Variants in UGT1A10 observed in about 807,000 individuals in gnomAD.
The protein encoded by UGT1A10 is UDP glucuronosyltransferase family 1 member A10.
Under a neutral mutation model 45.8 loss-of-function variants are expected in UGT1A10, and 49 were observed. The ratio of observed to expected loss-of-function variants is 1.07; its 90% CI spans 0.85 to 1.36. The LOEUF (loss-of-function observed/expected upper bound fraction) is 1.36. UGT1A10 is among the 40% of genes most tolerant of loss of function. The pLI is 0.00. For synonymous variants in UGT1A10, 284 were observed against 249.7 expected (o/e 1.14, Z -1.29); for missense variants, 745 against 668.6 (o/e 1.11, Z -1.26).
In UGT1A10 at chr2:233,769,791, G is replaced by A; in HGVS notation, c.1295+1352G>A. 5 of 1,267,464 alleles carry A rather than the reference G, an allele frequency of 3.9e-6. No individual in the cohort carries two copies. The South Asian group carries it at 8.7e-5, about 22-fold the overall frequency. The allele number at this position is 1,267,464 out of a possible 1,614,324, so 78.5% of individuals were successfully genotyped here. On this transcript the variant is annotated intron_variant, in intron 4 of 4. Transcript: ENST00000344644. The surrounding 1 kb of genome is among the most constrained non-coding windows in gnomAD (Gnocchi z 4.4). ...GATTGCTTGAGCCCAGAAGTTGGAG[G>A]CTGCTATGAGCCGTGATCATGCCAC...
At chr2:233,733,215 C>T (rs1311837703) in intron 1 of UGT1A10, among the ~76,000 whole-genome samples, 2 of 152,150 alleles carry the variant, frequency 1.3e-5, no homozygotes, top group East Asian at 3.8e-4. Flanking sequence ...TGGGCTGAGA[C>T]AATGGGGTTT....
At chr2:233,645,961 C>T (rs1167454580) in intron 1 of UGT1A10, among the ~76,000 whole-genome samples, 4 of 152,250 alleles carry the variant, frequency 2.6e-5, no homozygotes, top group Non-Finnish European at 5.9e-5. Context: ...CAGAGGTTCT[C>T]TGTGAGGGTC....
At chr2:233,688,680 A>T (rs1230576037) in intron 1 of UGT1A10, among the ~76,000 whole-genome samples, 1 of 152,200 alleles carries the variant, frequency 6.6e-6, no homozygotes, top group Admixed American at 6.5e-5. Context: ...TTTTTAAAAA[A>T]TTTAATATTA....
At chr2:233,682,696 G>A (rs201654358) in intron 1 of UGT1A10, 1 of 1,613,814 alleles carries the variant, frequency 6.2e-7, no homozygotes, top group Non-Finnish European at 8.5e-7. Flanking sequence ...TTTGGTTGTT[G>A]CGAACTGACT....
chr2:233,643,162 G>T (rs539427142), intron 1 of UGT1A10, among the ~76,000 whole-genome samples: 6 of 152,238 alleles, frequency 3.9e-5, no homozygotes, highest in Admixed American at 3.9e-4. Context: ...CAGGCCCTGG[G>T]TGGGTCCAGA....
rs142919887 is a variant in UGT1A10, at chr2:233,693,235, C to A, written c.855+55858C>A. The A allele has an allele frequency of 1.4e-4, 230 of 1,614,162 alleles. 1 individual carries two copies. The African/African-American group carries it at 2.3e-3, about 16-fold the overall frequency. ...AATCCAAATACTACACAAGAAAAAT[C>A]TATCCAGTGCCGTATGACCAAGAAG... On this transcript the variant is annotated intron_variant, in intron 1 of 4. Transcript: ENST00000344644.
chr2:233,724,281 C>T (rs1325936815), intron 1 of UGT1A10, among the ~76,000 whole-genome samples: 26 of 111,902 alleles, frequency 2.3e-4, no homozygotes, highest in Non-Finnish European at 2.0e-4. Flanking sequence ...GCTGGCCGGG[C>T]GGGGGGCTGA....
intron 1 of UGT1A10, among the ~76,000 whole-genome samples, chr2:233,649,226 G>T (rs188319234): frequency 3.3e-5 from 5 of 152,250 alleles, no homozygotes; most frequent in African/African-American, 1.2e-4. Flanking sequence ...ATGTGTATAC[G>T]ATTGGTTAAT....
intron 1 of UGT1A10, among the ~76,000 whole-genome samples, chr2:233,757,362 A>G (rs970680016): frequency 6.6e-6 from 1 of 151,228 alleles, no homozygotes; most frequent in Non-Finnish European, 1.5e-5. Context: ...AGACAGTGGT[A>G]GAAACATCCA....
intron 1 of UGT1A10, among the ~76,000 whole-genome samples, chr2:233,704,998 T>C (rs2075816736): frequency 6.6e-6 from 1 of 151,990 alleles, no homozygotes; most frequent in African/African-American, 2.4e-5. Flanking sequence ...TAGCCGGGTA[T>C]GGTGGCAGGC....
At chr2:233,722,804 C>G (rs1575543281) in intron 1 of UGT1A10, among the ~76,000 whole-genome samples, 2 of 147,930 alleles carry the variant, frequency 1.4e-5, no homozygotes, top group Non-Finnish European at 3.0e-5. Context: ...TCATCTCCCT[C>G]TTATTTTTTC....
Position 233,747,854 on chromosome 2 carries a change from G to C in UGT1A10, c.856-19180G>C, listed in dbSNP as rs28900382. 4.1e-4 allele frequency: 669 copies of C among 1,613,508 alleles called. 5 individuals are homozygous for C. The East Asian group carries it at 0.011, about 27-fold the overall frequency. On this transcript the variant is annotated intron_variant, in intron 1 of 4. Coordinates refer to ENST00000344644, the MANE Select transcript of UGT1A10 (RefSeq NM_019075.4). ...CATTCCTGCAAAGGGTCAAGAACAT[G>C]CTCTACCCTCTGGCCCTGTCCTACC...
chr2:233,761,173 T>C (rs771182197), intron 1 of UGT1A10: 2 of 1,614,246 alleles, frequency 1.2e-6, no homozygotes, highest in South Asian at 2.2e-5. Context: ...AGTGGGACTT[T>C]TACATGCGTA....
chr2:233,743,602 G>A (rs1559387317), intron 1 of UGT1A10: 9 of 1,367,156 alleles, frequency 6.6e-6, no homozygotes, highest in African/African-American at 3.0e-5. Flanking sequence ...GGTCCTGGCC[G>A]CCGAAGAACT....
intron 1 of UGT1A10, among the ~76,000 whole-genome samples, chr2:233,689,496 A>G (rs2125542455): frequency 6.6e-6 from 1 of 152,236 alleles, no homozygotes; most frequent in East Asian, 1.9e-4. Context: ...GCAAATCAAT[A>G]CGCAGAGGTT....
chr2:233,637,804 T>A (rs1234845068), intron 1 of UGT1A10, among the ~76,000 whole-genome samples: 1 of 152,166 alleles, frequency 6.6e-6, no homozygotes, highest in Non-Finnish European at 1.5e-5. Flanking sequence ...AAAAATAAAA[T>A]CTAGTATTGG....
At position 233,769,343 on chromosome 2, in the gene UGT1A10, T is replaced by C. The variant is rs950579425; in HGVS notation, c.1295+904T>C. On this transcript the variant is annotated intron_variant, in intron 4 of 4. Coordinates refer to ENST00000344644, the MANE Select transcript of UGT1A10 (RefSeq NM_019075.4). The surrounding 1 kb of genome is among the most constrained non-coding windows in gnomAD (Gnocchi z 4.4). ...TGGTAATAGGCTTATTAGAACCTTA[T>C]GGGAAGAAGTGGTGGCCAGTGGTAG... Among the ~76,000 whole-genome samples the C allele has an allele frequency of 6.6e-6, 1 of 152,250 alleles. No individual in the cohort carries two copies. The highest frequency in any genetic ancestry group is 2.4e-5 in the African/African-American group (1 of 41,464).
At position 233,664,807 on chromosome 2, in the gene UGT1A10, C is replaced by G. The variant is rs188537944; in HGVS notation, c.855+27430C>G. ...CAAATATCCAAGCTATAACACTGAACTGTGATTTGACATTTTCATTTGTCT... is the reference window on the plus strand; with the variant it reads ...CAAATATCCAAGCTATAACACTGAAGTGTGATTTGACATTTTCATTTGTCT... On this transcript the variant is annotated intron_variant, in intron 1 of 4. Transcript: ENST00000344644. Among the ~76,000 whole-genome samples the G allele has an allele frequency of 2.4e-4, 36 of 152,326 alleles. No homozygotes were observed. In the East Asian group the frequency reaches 6.8e-3, roughly 29 times the overall value.
At chr2:233,643,770 G>A (rs1024521177) in intron 1 of UGT1A10, among the ~76,000 whole-genome samples, 9 of 152,124 alleles carry the variant, frequency 5.9e-5, no homozygotes, top group African/African-American at 1.2e-4. Context: ...GGCGATGAAC[G>A]CTGGCAGGAC....
Sources: gnomAD v4.1 joint callset for allele counts (sites outside exome capture counted in the v4.1 genomes callset) on GRCh38, gnomAD v4.1.1 for gene constraint, Gnocchi (gnomAD v3.1) non-coding constraint, MANE v1.5 for transcripts, NCBI Gene and HGNC (gene_info 2026-07-23, HGNC 2026-07-21) for gene names.